ALMS1: variants seen among roughly 807,000 people sequenced by gnomAD.
ALMS1 encodes centrosome-associated protein ALMS1.
ALMS1 carries 271 observed loss-of-function variants against 352.2 expected under a neutral mutation model. The ratio of observed to expected loss-of-function variants is 0.77; its 90% CI spans 0.70 to 0.85. The LOEUF is 0.85. Ranked by LOEUF, ALMS1 falls within the 40% of genes least tolerant of loss-of-function variation. The probability of loss-of-function intolerance (pLI) is 0.00; values close to 1 mark genes in which losing one functional copy is unlikely to be tolerated. For synonymous variants in ALMS1, 1,865 were observed against 1,761.2 expected (o/e 1.06, Z -1.48); for missense variants, 5,445 against 4,870.7 (o/e 1.12, Z -3.51).
intron 15 of ALMS1, among the ~76,000 whole-genome samples, chr2:73,565,721 A>G (rs908855917): frequency 1.3e-5 from 2 of 152,202 alleles, no homozygotes; most frequent in African/African-American, 4.8e-5. Flanking sequence ...CTTAATATGT[A>G]ATGAGAAATA....
chr2:73,573,788 C>T (rs1179313037), intron 16 of ALMS1, among the ~76,000 whole-genome samples: 1 of 150,556 alleles, frequency 6.6e-6, no homozygotes, highest in Non-Finnish European at 1.5e-5. Context: ...CTCTGTCTTT[C>T]AGGAAATATA....
chr2:73,415,952 G>A (rs1047077926), intron 2 of ALMS1, among the ~76,000 whole-genome samples: 3 of 152,166 alleles, frequency 2.0e-5, no homozygotes, highest in African/African-American at 7.2e-5. Flanking sequence ...AGTTGTCTCC[G>A]TGAAGTTAAA....
chr2:73,429,562 C>T (rs1480200702), intron 6 of ALMS1, among the ~76,000 whole-genome samples: 1 of 152,054 alleles, frequency 6.6e-6, no homozygotes, highest in African/African-American at 2.4e-5. Flanking sequence ...GGGTTACAGG[C>T]GTGAGCCACC....
intron 10 of ALMS1, among the ~76,000 whole-genome samples, chr2:73,502,628 G>A (rs573963531): frequency 1.3e-5 from 2 of 152,184 alleles, no homozygotes; most frequent in Admixed American, 1.3e-4. Flanking sequence ...TTTTTCAGAT[G>A]TTTTTCCTGA....
At chr2:73,522,675 G>C (rs376071958) in intron 11 of ALMS1, among the ~76,000 whole-genome samples, 1 of 152,046 alleles carries the variant, frequency 6.6e-6, no homozygotes, top group African/African-American at 2.4e-5. Flanking sequence ...CACCATGTTG[G>C]CCAGGATGAT....
At chr2:73,477,512 C>T (rs1056733681) in intron 9 of ALMS1, among the ~76,000 whole-genome samples, 2 of 151,528 alleles carry the variant, frequency 1.3e-5, no homozygotes, top group Non-Finnish European at 2.9e-5. Context: ...AAAGGCTAGG[C>T]TTTTAATAAG....
intron 15 of ALMS1, among the ~76,000 whole-genome samples, 182 bp from the exon 16 acceptor site, chr2:73,572,080 T>G (rs1309668810): frequency 6.6e-6 from 1 of 152,194 alleles, no homozygotes; most frequent in East Asian, 1.9e-4. Context: ...ACTTTTACTG[T>G]ACCAGCGAGG....
chr2:73,500,662 G>A (rs900172902), intron 10 of ALMS1, among the ~76,000 whole-genome samples: 1 of 152,158 alleles, frequency 6.6e-6, no homozygotes, highest in African/African-American at 2.4e-5. Context: ...GCCTGAACTA[G>A]AAGGCTTCGC....
chr2:73,606,647 G>A (rs1314317698), intron 21 of ALMS1, among the ~76,000 whole-genome samples: 1 of 152,092 alleles, frequency 6.6e-6, no homozygotes, highest in African/African-American at 2.4e-5. Flanking sequence ...TCTTTTCAAG[G>A]GAGTGATCTG....
At chr2:73,421,691 G>A (rs1671287495) in intron 3 of ALMS1, among the ~76,000 whole-genome samples, 1 of 152,148 alleles carries the variant, frequency 6.6e-6, no homozygotes. Flanking sequence ...TGGATAGACT[G>A]AAGATTAAAA....
At chr2:73,473,389 G>T (rs1230763844) in intron 9 of ALMS1, among the ~76,000 whole-genome samples, 2 of 152,026 alleles carry the variant, frequency 1.3e-5, no homozygotes. Context: ...TAAGCTTTAT[G>T]AAATAGTCAC....
At chr2:73,534,304 CTA>C (rs887388002) in intron 11 of ALMS1, among the ~76,000 whole-genome samples, 27 of 152,106 alleles carry the variant, frequency 1.8e-4, no homozygotes, top group African/African-American at 6.5e-4. Flanking sequence ...GCAGTGGAAA[CTA>C]TGTTTTGAAG....
chr2:73,596,741 A>G (rs934825436), intron 16 of ALMS1, among the ~76,000 whole-genome samples: 3 of 151,410 alleles, frequency 2.0e-5, no homozygotes, highest in African/African-American at 7.3e-5. Flanking sequence ...AAGTGCTGGG[A>G]TTACATGCAT....
chr2:73,494,338 G>A (rs1008646381), intron 10 of ALMS1, among the ~76,000 whole-genome samples: 2 of 152,094 alleles, frequency 1.3e-5, no homozygotes, highest in African/African-American at 4.8e-5. Flanking sequence ...ATATGTTAGA[G>A]GTTGTCCATG....
chr2:73,512,851 A>G (rs1673479861), intron 10 of ALMS1, among the ~76,000 whole-genome samples: 1 of 152,152 alleles, frequency 6.6e-6, no homozygotes, highest in Non-Finnish European at 1.5e-5. Flanking sequence ...TCTGGAATCA[A>G]CTACTTCTCC....
chr2:73,425,001 CCA>C, intron 5 of ALMS1, 99 bp downstream of exon 5: 1 of 1,035,418 alleles, frequency 9.7e-7, no homozygotes, highest in Non-Finnish European at 1.4e-6. Context: ...TTCCTATGTG[CCA>C]TGGAACAAAG....
In ALMS1 at chr2:73,489,871, T is replaced by A. The variant is rs548882067; in HGVS notation, c.7912T>A (p.Ser2638Thr). 4.3e-6 allele frequency: 7 copies of A among 1,614,098 alleles called. No individual in the cohort carries two copies. In the East Asian group the frequency reaches 1.1e-4, roughly 26 times the overall value. The change falls in exon 10 of 23, where the codon TCC (serine) becomes ACC (threonine). Residue 2638 changes from serine (S) to threonine (T), a missense_variant. Transcript: ENST00000613296. ...TTCTGCATCCTTAGACCAGAACAAC[T>A]CCCATTTCAAAGTTTGGAATTCCTT... is the stretch of plus-strand genomic sequence containing the variant. ...NLSASLDQNNSHFKVWNSLQL... is the reference protein window; with the variant it reads ...NLSASLDQNNTHFKVWNSLQL...
In ALMS1 at chr2:73,490,184, G is replaced by C; in HGVS notation, c.8225G>C (p.Cys2742Ser). 1 of 1,614,186 alleles carries C rather than the reference G, an allele frequency of 6.2e-7. No homozygotes were observed. The highest frequency in any genetic ancestry group is 8.5e-7 in the Non-Finnish European group (1 of 1,180,034). The change falls in exon 10 of 23, where the codon TGT becomes TCT. Residue 2742 changes from cysteine to serine, a missense_variant. Transcript: ENST00000613296. ...VKVGVTEGSQ[C>S]TGASVGVFNS... ...GTTGGTGTTACTGAAGGTAGCCAGT[G>C]TACTGGAGCATCTGTGGGGGTATTT...
chr2:73,599,706 A>C (rs1397770882), intron 17 of ALMS1, among the ~76,000 whole-genome samples, 185 bp downstream of exon 17: 16 of 152,174 alleles, frequency 1.1e-4, no homozygotes, highest in Admixed American at 1.0e-3. Context: ...GAGTGTAGGG[A>C]AGCGGGTTCC....
Sources: allele counts gnomAD v4.1 joint callset (sites outside exome capture counted in the v4.1 genomes callset), GRCh38; gene constraint gnomAD v4.1.1; transcripts MANE v1.5; gene names NCBI Gene and HGNC (gene_info 2026-07-23, HGNC 2026-07-21).